Variants in ASTN2 observed in about 807,000 individuals in gnomAD.
ASTN2 encodes astrotactin-2.
In ASTN2, 54 loss-of-function variants were observed where a neutral mutation model predicts 139.8. The observed-to-expected ratio is 0.39, with a 90% confidence interval of 0.31 to 0.48. The LOEUF (loss-of-function observed/expected upper bound fraction) is 0.48. ASTN2 is among the 20% of genes least tolerant of loss of function. The probability of loss-of-function intolerance (pLI) is 0.95; values close to 1 mark genes in which losing one functional copy is unlikely to be tolerated. For missense variants in ASTN2, 1,565 were observed against 1,725.1 expected (o/e 0.91, Z 1.64); for synonymous variants, 756 against 719.5 (o/e 1.05, Z -0.81).
intron 10 of ASTN2, among the ~76,000 whole-genome samples, chr9:116,956,869 C>G (rs1241254161): frequency 6.6e-6 from 1 of 152,094 alleles, no homozygotes; most frequent in African/African-American, 2.4e-5. Flanking sequence ...TAGAAATACA[C>G]TTAACAAAAT....
chr9:116,663,623 G>A (rs1858691728), intron 16 of ASTN2, among the ~76,000 whole-genome samples: 1 of 152,100 alleles, frequency 6.6e-6, no homozygotes, highest in Non-Finnish European at 1.5e-5. Context: ...GCAGGGAGAA[G>A]GATCAATGAG....
At chr9:116,487,212 A>G (rs1849369023) in intron 20 of ASTN2, 147 bp downstream of exon 20, 2 of 1,038,634 alleles carry the variant, frequency 1.9e-6, no homozygotes, top group Non-Finnish European at 2.7e-6. Flanking sequence ...TCAAATGGAC[A>G]CTTCTAAACC....
At chr9:116,535,674 G>C (rs537607572) in intron 19 of ASTN2, among the ~76,000 whole-genome samples, 2 of 152,144 alleles carry the variant, frequency 1.3e-5, no homozygotes, top group Non-Finnish European at 2.9e-5. Flanking sequence ...TAAGAATGTT[G>C]AATATTAGCC....
rs150429126 is a variant in ASTN2 at position 116,603,619 on chromosome 9, G to C, written c.3355+14705C>G. Among the ~76,000 whole-genome samples the C allele has an allele frequency of 7.3e-3, 1,108 of 152,302 alleles. 6 individuals carry two copies. The highest frequency in any genetic ancestry group is 0.011 in the Non-Finnish European group (763 of 68,022). ...GTTTCAGTTGAGGCAAGAGGATGAAGGTTGGATTCAGCTTGACTTCCCCTT... is the reference window on the plus strand; with the variant it reads ...GTTTCAGTTGAGGCAAGAGGATGAACGTTGGATTCAGCTTGACTTCCCCTT... On this transcript the variant is annotated intron_variant, in intron 19 of 22. Coordinates refer to ENST00000313400, the MANE Select transcript of ASTN2 (RefSeq NM_001365068.1).
At chr9:116,672,718 C>T (rs576550904) in intron 16 of ASTN2, among the ~76,000 whole-genome samples, 23 of 152,232 alleles carry the variant, frequency 1.5e-4, no homozygotes, top group Middle Eastern at 6.8e-3. Flanking sequence ...AGTTAGTTGT[C>T]CAAAGTTATA....
At chr9:116,776,366 T>C (rs1564260821) in intron 13 of ASTN2, among the ~76,000 whole-genome samples, 2 of 152,200 alleles carry the variant, frequency 1.3e-5, no homozygotes. Context: ...AATCCCTTTT[T>C]AGGTTAATTA....
chr9:116,825,735 A>G (rs1426175650), intron 11 of ASTN2, among the ~76,000 whole-genome samples: 4 of 152,222 alleles, frequency 2.6e-5, no homozygotes, highest in African/African-American at 4.8e-5. Flanking sequence ...CTTGGCTGTG[A>G]GAGAAACTCT....
chr9:116,495,643 T>C (rs1274717479), intron 19 of ASTN2, among the ~76,000 whole-genome samples: 4 of 152,214 alleles, frequency 2.6e-5, no homozygotes, highest in African/African-American at 9.7e-5. Context: ...ATGAGGTATG[T>C]TTTATGATTG....
intron 20 of ASTN2, among the ~76,000 whole-genome samples, chr9:116,478,348 A>T (rs1849059444): frequency 6.6e-6 from 1 of 152,042 alleles, no homozygotes; most frequent in Non-Finnish European, 1.5e-5. Context: ...AAGGAAAGAA[A>T]AGTTCACAAT....
chr9:116,457,173 C>T (rs544625957), intron 20 of ASTN2, among the ~76,000 whole-genome samples: 2 of 152,240 alleles, frequency 1.3e-5, no homozygotes, highest in African/African-American at 4.8e-5. Context: ...AACTAGAGTG[C>T]TATCTTTTAC....
intron 16 of ASTN2, among the ~76,000 whole-genome samples, chr9:116,709,818 C>A (rs759365028): frequency 3.9e-5 from 6 of 152,134 alleles, no homozygotes; most frequent in Non-Finnish European, 8.8e-5. Flanking sequence ...ATATTGGGCT[C>A]TTGTACAAGG....
At chr9:116,814,576 T>A (rs1831258705) in intron 12 of ASTN2, among the ~76,000 whole-genome samples, 1 of 151,898 alleles carries the variant, frequency 6.6e-6, no homozygotes, top group Non-Finnish European at 1.5e-5. Context: ...GACTGCCAAA[T>A]AAACTCTGTC....
intron 20 of ASTN2, among the ~76,000 whole-genome samples, chr9:116,445,592 G>T (rs539371681): frequency 3.9e-5 from 6 of 152,286 alleles, no homozygotes; most frequent in Admixed American, 1.3e-4. Flanking sequence ...AGAGCCCCCA[G>T]GATGCTGGGG....
intron 13 of ASTN2, among the ~76,000 whole-genome samples, chr9:116,793,399 T>C (rs1453294350): frequency 6.6e-6 from 1 of 152,184 alleles, no homozygotes; most frequent in Non-Finnish European, 1.5e-5. Flanking sequence ...CCTGCCCTCA[T>C]GGAGCATATG....
chr9:117,060,148 TA>T (rs1839198186), intron 5 of ASTN2, among the ~76,000 whole-genome samples: 1 of 151,348 alleles, frequency 6.6e-6, no homozygotes, highest in African/African-American at 2.4e-5. Context: ...CCATCTCTAC[TA>T]AAAATACAAA....
intron 16 of ASTN2, chr9:116,697,735 G>A: frequency 6.2e-7 from 1 of 1,613,778 alleles, no homozygotes. Context: ...CCCTTCAAAG[G>A]AAGAGCAATG....
chr9:117,284,349 C>T (rs1304942192), intron 2 of ASTN2, among the ~76,000 whole-genome samples: 1 of 152,220 alleles, frequency 6.6e-6, no homozygotes, highest in Non-Finnish European at 1.5e-5. Context: ...AGGTGATACA[C>T]CCATCTCGGC....
intron 18 of ASTN2, among the ~76,000 whole-genome samples, chr9:116,619,191 CCA>C (rs1856001559): frequency 6.6e-6 from 1 of 152,054 alleles, no homozygotes; most frequent in East Asian, 1.9e-4. Context: ...TTCTTCTCAC[CCA>C]CAGAGTTCGA....
At chr9:117,272,362 T>C (rs904995056) in intron 2 of ASTN2, among the ~76,000 whole-genome samples, 6 of 152,182 alleles carry the variant, frequency 3.9e-5, no homozygotes, top group African/African-American at 1.4e-4. Flanking sequence ...CACTGTTTCC[T>C]CCTGGGCCTC....
Sources: allele counts gnomAD v4.1 joint callset (sites outside exome capture counted in the v4.1 genomes callset), GRCh38; gene constraint gnomAD v4.1.1; transcripts MANE v1.5; gene names NCBI Gene and HGNC (gene_info 2026-07-23, HGNC 2026-07-21).